CATIP: variants seen among roughly 807,000 people sequenced by gnomAD.
CATIP encodes the protein ciliogenesis-associated TTC17-interacting protein.
CATIP carries 40 observed loss-of-function variants against 42.5 expected under a neutral mutation model. The observed-to-expected ratio is 0.94, with a 90% CI of 0.73 to 1.22. The LOEUF (loss-of-function observed/expected upper bound fraction) is 1.22. Among genes scored for constraint, CATIP ranks in the 50% most tolerant of loss-of-function variants. The pLI is 0.00. For synonymous variants in CATIP, 222 were observed against 200.2 expected, an observed-to-expected ratio of 1.11 and a Z score of -0.92; for missense variants, 489 against 496.0, an observed-to-expected ratio of 0.99 and a Z score of 0.13.
intron 6 of CATIP, among the ~76,000 whole-genome samples, chr2:218,364,367 C>CA (rs1553518252): frequency 6.6e-6 from 1 of 152,044 alleles, no homozygotes; most frequent in Admixed American, 6.6e-5. Context: ...CACACCCCCC[C>CA]GCATACCGCT....
intron 1 of CATIP, 70 bp from the exon 2 acceptor site, chr2:218,357,025 C>G (rs1428853541): frequency 4.5e-6 from 7 of 1,562,088 alleles, no homozygotes; most frequent in Non-Finnish European, 6.1e-6. Flanking sequence ...ACTGAGGTAC[C>G]CTGCCTTGCC....
intron 2 of CATIP, 80 bp from the exon 3 acceptor site, chr2:218,357,454 C>A: frequency 8.2e-7 from 1 of 1,220,382 alleles, no homozygotes; most frequent in Non-Finnish European, 1.2e-6. Flanking sequence ...TGTGGGGACA[C>A]TGGTGGTCAT....
At chr2:218,364,194 T>C (rs1326156615) in intron 6 of CATIP, among the ~76,000 whole-genome samples, 2 of 152,190 alleles carry the variant, frequency 1.3e-5, no homozygotes, top group African/African-American at 2.4e-5. Flanking sequence ...TTTTTCTCCA[T>C]AGCTGCAGCT....
intron 4 of CATIP, among the ~76,000 whole-genome samples, chr2:218,360,340 C>T (rs1487085679): frequency 4.0e-5 from 6 of 151,682 alleles, no homozygotes; most frequent in Non-Finnish European, 8.8e-5. Context: ...TTAGTAGAGA[C>T]GGGGTTTCAC....
In CATIP at chr2:218,356,958, C is replaced by T. The variant is rs780850761; in HGVS notation, c.25+49C>T. The T allele has an allele frequency of 6.2e-6, 10 of 1,609,314 alleles. No homozygotes were observed. The Admixed American group carries it at 6.7e-5, about 11-fold the overall frequency. ...GGAGGCGGGGATCCTCTTCTTTCTT[C>T]CCAATCCACCCTCGGGGTAGTCTTA... is the stretch of plus-strand genomic sequence containing the variant. On this transcript the variant is annotated intron_variant, in intron 1 of 9. Coordinates refer to ENST00000289388, the MANE Select transcript of CATIP (RefSeq NM_198559.2).
Position 218,357,472 on chromosome 2 carries a change from G to A in CATIP, c.119-62G>A, listed in dbSNP as rs188567053. 37 of 1,413,928 alleles carry A rather than the reference G, an allele frequency of 2.6e-5. No individual in the cohort carries two copies. In the Admixed American group the frequency reaches 3.0e-4, roughly 11 times the overall value. 87.6% of individuals were successfully genotyped at this position (1,413,928 alleles called of 1,614,324 possible). On this transcript the variant is annotated intron_variant, in intron 2 of 9. Coordinates refer to ENST00000289388, the MANE Select transcript of CATIP (RefSeq NM_198559.2). ...GGGGACACTGGTGGTCATGGGGTCA[G>A]AGGATTGGATTGGGGCCCAGGAGCA... is the stretch of plus-strand genomic sequence containing the variant.
At chr2:218,359,273 C>T (rs1197475969) in intron 4 of CATIP, among the ~76,000 whole-genome samples, 3 of 143,596 alleles carry the variant, frequency 2.1e-5, no homozygotes, top group Non-Finnish European at 4.5e-5. Flanking sequence ...ACCCAGGAGG[C>T]GAAGGTCGCA....
chr2:218,363,247 A>G lies in CATIP; in HGVS notation c.630+345A>G, dbSNP rs568922245. ...TGTAATCCCAGCACTTTGGGAGGCC[A>G]AGGCGGGCCGATCACAAGGTCAGGA... On this transcript the variant is annotated intron_variant, in intron 6 of 9. Coordinates refer to ENST00000289388, the MANE Select transcript of CATIP (RefSeq NM_198559.2). Among the ~76,000 whole-genome samples, 41 of 152,070 alleles carry G rather than the reference A, an allele frequency of 2.7e-4. 1 individual carries two copies. Among genetic ancestry groups the G allele is most frequent in the Non-Finnish European group, 5.0e-4 (34 of 67,972 alleles).
At position 218,364,632 on chromosome 2, in the gene CATIP, AC is replaced by A; in HGVS notation, c.637del (p.Leu213TrpfsTer8). The A allele has an allele frequency of 6.2e-7, 1 of 1,613,472 alleles. No homozygotes were observed. Among genetic ancestry groups the A allele is most frequent in the Non-Finnish European group, 8.5e-7 (1 of 1,179,676 alleles). Reference protein sequence around the residue: ...EGKLCYLTYQNLGFQTIQVDH... With the variant: ...EGKLCYLTYQXLGFQTIQVDH... Reference sequence around the variant, plus strand: ...CCCAATTTTGGCTGTTGCCAGCAAAACCTGGGCTTCCAGACCATCCAGGTAG... The same window carrying A: ...CCCAATTTTGGCTGTTGCCAGCAAAACTGGGCTTCCAGACCATCCAGGTAG... On this transcript the variant is annotated frameshift_variant, in exon 7 of 10. Coordinates refer to ENST00000289388, the MANE Select transcript of CATIP (RefSeq NM_198559.2). LOFTEE classifies it high-confidence loss of function.
At chr2:218,364,481 G>A in intron 6 of CATIP, 147 bp from the exon 7 acceptor site, 1 of 1,173,736 alleles carries the variant, frequency 8.5e-7, no homozygotes, top group Non-Finnish European at 1.2e-6. Flanking sequence ...CCTATGAGGG[G>A]TCGCCAACTC....
rs1559107581 is a variant in CATIP at position 218,367,420 on chromosome 2, C to G, written c.833-10C>G. Reference sequence around the variant, plus strand: ...GTAGGGACGCCCAGCCTTCCTTGTTCCCCACCTAGATGAGATTGAGCCACG... The same window carrying G: ...GTAGGGACGCCCAGCCTTCCTTGTTGCCCACCTAGATGAGATTGAGCCACG... On this transcript the variant is annotated splice_polypyrimidine_tract_variant and intron_variant, in intron 8 of 9. Coordinates refer to ENST00000289388, the MANE Select transcript of CATIP (RefSeq NM_198559.2). 1.4e-5 allele frequency: 23 copies of G among 1,613,454 alleles called. No homozygotes were observed. Among genetic ancestry groups the G allele is most frequent in the Non-Finnish European group, 1.9e-5 (22 of 1,179,530 alleles).
In CATIP at chr2:218,367,534, A is replaced by C; in HGVS notation, c.921+16A>C. The C allele has an allele frequency of 6.2e-7, 1 of 1,613,470 alleles. No individual in the cohort carries two copies. Among genetic ancestry groups the C allele is most frequent in the Non-Finnish European group, 8.5e-7 (1 of 1,179,388 alleles). Reference sequence around the variant, plus strand: ...GGACCGGAAGGTGAGGGGAGGCTCCACCAGCCTGGGGTTCCCATTCCCCCA... The same window carrying C: ...GGACCGGAAGGTGAGGGGAGGCTCCCCCAGCCTGGGGTTCCCATTCCCCCA... On this transcript the variant is annotated intron_variant, in intron 9 of 9. Transcript: ENST00000289388.
chr2:218,358,233 T>A, intron 4 of CATIP, 141 bp downstream of exon 4: 1 of 724,650 alleles, frequency 1.4e-6, no homozygotes, highest in Non-Finnish European at 2.4e-6. Flanking sequence ...TATGATGCAA[T>A]GTAAAGCTCA....
At chr2:218,364,504 T>G in intron 6 of CATIP, 124 bp from the exon 7 acceptor site, 33 of 1,382,926 alleles carry the variant, frequency 2.4e-5, no homozygotes, top group Non-Finnish European at 3.3e-5. Flanking sequence ...CTTGGAGGTT[T>G]GGAGATGCAA....
rs1302624774 is a variant in CATIP at position 218,362,747 on chromosome 2, G to A, written c.475G>A (p.Gly159Arg). ...CAGTTCTGAACAGGAAGTGAAGACT[G>A]GAGTGACTTCTTTCCCCTGGAGCTC... ...SIKEGEEVKT[G>R]VTSFPWSSIK... The change falls in exon 6 of 10, where the codon GGA becomes AGA. Residue 159 changes from glycine (G) to arginine (R), a missense_variant. Coordinates refer to ENST00000289388, the MANE Select transcript of CATIP (RefSeq NM_198559.2). The A allele has an allele frequency of 6.2e-7, 1 of 1,614,082 alleles. No homozygotes were observed.
rs182943772 is a variant in CATIP, at chr2:218,360,386, G to A, written c.376-187G>A. Among the ~76,000 whole-genome samples, 425 of 151,774 alleles carry A rather than the reference G, an allele frequency of 2.8e-3. 2 individuals are homozygous for A. Among genetic ancestry groups the A allele is most frequent in the African/African-American group, 9.5e-3 (392 of 41,408 alleles). On this transcript the variant is annotated intron_variant, in intron 4 of 9. Coordinates refer to ENST00000289388, the MANE Select transcript of CATIP (RefSeq NM_198559.2). ...AGGGTGGTCTCAATCTCCTGACCTC[G>A]TGATCCGCCCACCTCGGCCTCCCAC...
intron 8 of CATIP, 21 bp from the exon 9 acceptor site, chr2:218,367,409 C>G (rs1389757636): frequency 1.9e-6 from 3 of 1,610,640 alleles, no homozygotes; most frequent in Admixed American, 1.7e-5. Context: ...GGACGCCCAG[C>G]CTTCCTTGTT....
chr2:218,367,387 G>C (rs1695488016), intron 8 of CATIP, 43 bp from the exon 9 acceptor site: 4 of 1,569,786 alleles, frequency 2.5e-6, no homozygotes, highest in Non-Finnish European at 3.5e-6. Flanking sequence ...TCCAAGGAAG[G>C]TTCCGGGGTA....
intron 5 of CATIP, 73 bp downstream of exon 5, chr2:218,360,732 AT>A: frequency 8.4e-7 from 1 of 1,183,800 alleles, no homozygotes; most frequent in Non-Finnish European, 1.2e-6. Flanking sequence ...GTCCAGATCA[AT>A]TTAGAGAGTT....
Sources: allele counts gnomAD v4.1 joint callset (sites outside exome capture counted in the v4.1 genomes callset), GRCh38; gene constraint gnomAD v4.1.1; transcripts MANE v1.5; gene names NCBI Gene and HGNC (gene_info 2026-07-23, HGNC 2026-07-21).